Variants in ZBTB20 observed in about 807,000 individuals in gnomAD.
ZBTB20 encodes zinc finger and BTB domain containing 20, also known as zinc finger and BTB domain-containing protein 20.
ZBTB20 carries 9 observed loss-of-function variants against 56.9 expected under a neutral mutation model. That is an observed-to-expected ratio of 0.16 (90% CI 0.10 to 0.28). ZBTB20 has a LOEUF of 0.28. Among genes scored for constraint, ZBTB20 ranks in the 10% least tolerant of loss-of-function variants. ZBTB20 has a pLI of 1.00. For synonymous variants in ZBTB20, 417 were observed against 420.7 expected (o/e 0.99, Z 0.11); for missense variants, 655 against 1,003.0 (o/e 0.65, Z 4.69).
intron 5 of ZBTB20, among the ~76,000 whole-genome samples, chr3:114,700,919 T>TA (rs2063352455): frequency 6.6e-6 from 1 of 152,146 alleles, no homozygotes; most frequent in African/African-American, 2.4e-5. Context: ...GCCCCAAGTA[T>TA]CTTAGAGTGG....
intron 6 of ZBTB20, among the ~76,000 whole-genome samples, chr3:114,517,125 A>G (rs2046094063): frequency 6.6e-6 from 1 of 152,180 alleles, no homozygotes; most frequent in African/African-American, 2.4e-5. Context: ...TTTTTTGTTC[A>G]CTAATAAGTA....
At chr3:115,002,734 G>C (rs192322689) in intron 2 of ZBTB20, among the ~76,000 whole-genome samples, 11 of 151,536 alleles carry the variant, frequency 7.3e-5, no homozygotes, top group African/African-American at 2.7e-4. Context: ...ACTCATTGCT[G>C]GTGGGAATGC....
At chr3:114,527,325 A>G (rs2047344641) in intron 6 of ZBTB20, 1 of 152,232 alleles carries the variant, frequency 6.6e-6, no homozygotes, top group African/African-American at 2.4e-5. Context: ...TGGTTCATCA[A>G]TAAGCCTTGG....
chr3:115,110,253 C>T (rs1475858332), intron 1 of ZBTB20, among the ~76,000 whole-genome samples: 2 of 151,750 alleles, frequency 1.3e-5, no homozygotes, highest in African/African-American at 2.4e-5. Flanking sequence ...GCAATCTGTC[C>T]AGCAATTTTG....
intron 6 of ZBTB20, among the ~76,000 whole-genome samples, chr3:114,551,790 A>G (rs1402590714): frequency 2.0e-5 from 3 of 152,254 alleles, no homozygotes; most frequent in African/African-American, 4.8e-5. Context: ...GAGGTGAAAC[A>G]TAGAGTAGAC....
intron 5 of ZBTB20, among the ~76,000 whole-genome samples, chr3:114,757,360 G>C (rs1177056744): frequency 6.6e-6 from 1 of 152,158 alleles, no homozygotes; most frequent in East Asian, 1.9e-4. Flanking sequence ...GGACTAATAA[G>C]ATATACTTAG....
At chr3:115,020,649 TCATTATAGTCTCTC>T (rs947183024) in intron 2 of ZBTB20, among the ~76,000 whole-genome samples, 18 of 151,030 alleles carry the variant, frequency 1.2e-4, no homozygotes, top group African/African-American at 4.4e-4. Context: ...TGTACTGTAC[TCATTATAGTCTCTC>T]CCCTGCCTCA....
At chr3:115,031,607 G>A (rs1165379948) in intron 2 of ZBTB20, among the ~76,000 whole-genome samples, 2 of 151,204 alleles carry the variant, frequency 1.3e-5, no homozygotes, top group Non-Finnish European at 3.0e-5. Context: ...TTATGTCTTT[G>A]TTTCATAAAA....
intron 11 of ZBTB20, among the ~76,000 whole-genome samples, chr3:114,349,662 A>C (rs1174047954): frequency 6.6e-6 from 1 of 152,192 alleles, no homozygotes; most frequent in Non-Finnish European, 1.5e-5. Context: ...CACCTTTTGG[A>C]GCCAAACTAT....
chr3:114,955,603 A>G (rs2077219897), intron 3 of ZBTB20, among the ~76,000 whole-genome samples: 1 of 152,174 alleles, frequency 6.6e-6, no homozygotes, highest in Admixed American at 6.6e-5. Context: ...AATCATCCAC[A>G]GAGATGTCTT....
chr3:115,038,948 T>C (rs2081038447), intron 2 of ZBTB20, among the ~76,000 whole-genome samples: 1 of 152,088 alleles, frequency 6.6e-6, no homozygotes, highest in Non-Finnish European at 1.5e-5. Context: ...TTCTCTCCCT[T>C]TACTGGAGAT....
At chr3:114,429,106 G>T (rs2089932615) in intron 7 of ZBTB20, among the ~76,000 whole-genome samples, 1 of 152,110 alleles carries the variant, frequency 6.6e-6, no homozygotes, top group Non-Finnish European at 1.5e-5. Flanking sequence ...CACTACCATG[G>T]TCAAGAAGCC....
intron 7 of ZBTB20, among the ~76,000 whole-genome samples, chr3:114,450,878 A>T (rs1003300322): frequency 1.3e-5 from 2 of 152,180 alleles, no homozygotes; most frequent in African/African-American, 2.4e-5. Flanking sequence ...ATACCAATTG[A>T]TTAAATTTTG....
intron 5 of ZBTB20, among the ~76,000 whole-genome samples, chr3:114,699,613 TG>T (rs976697152): frequency 1.3e-5 from 2 of 152,152 alleles, no homozygotes; most frequent in African/African-American, 2.4e-5. Flanking sequence ...TTTTAAAAAA[TG>T]GGGCTACCAT....
chr3:115,126,957 G>A (rs2084350341), intron 1 of ZBTB20, among the ~76,000 whole-genome samples: 1 of 152,200 alleles, frequency 6.6e-6, no homozygotes, highest in South Asian at 2.1e-4. Context: ...AATTCTGTGT[G>A]CTTAAAGTCC....
intron 3 of ZBTB20, among the ~76,000 whole-genome samples, chr3:114,921,549 G>GC (rs1357840624): frequency 6.6e-6 from 1 of 151,970 alleles, no homozygotes; most frequent in Non-Finnish European, 1.5e-5. Context: ...GGCCAGCATT[G>GC]CCCTCATACC....
At chr3:114,581,615 A>G (rs961923249) in intron 6 of ZBTB20, among the ~76,000 whole-genome samples, 106 of 152,020 alleles carry the variant, frequency 7.0e-4, no homozygotes, top group African/African-American at 2.4e-3. Context: ...CAACAGCACA[A>G]CAAATAACCC....
chr3:114,745,279 A>T (rs1199133919), intron 5 of ZBTB20, among the ~76,000 whole-genome samples: 1 of 152,150 alleles, frequency 6.6e-6, no homozygotes. Context: ...CTTACCATGA[A>T]TCTGCCCTCA....
chr3:115,103,201 A>C (rs1576782587), intron 1 of ZBTB20: 1 of 152,276 alleles, frequency 6.6e-6, no homozygotes, highest in East Asian at 1.9e-4. Flanking sequence ...AAATTGCTTC[A>C]TGTGTTGATA....
Sources: gnomAD v4.1 joint callset for allele counts (sites outside exome capture counted in the v4.1 genomes callset) on GRCh38, gnomAD v4.1.1 for gene constraint, MANE v1.5 for transcripts, NCBI Gene and HGNC (gene_info 2026-07-23, HGNC 2026-07-21) for gene names.